Variants in YPEL4 observed in about 807,000 individuals in gnomAD.
The protein encoded by YPEL4 is protein yippee-like 4.
In YPEL4, 5 loss-of-function variants were observed where a neutral mutation model predicts 16.3. The ratio of observed to expected loss-of-function variants is 0.31; its 90% confidence interval spans 0.16 to 0.64. The LOEUF (loss-of-function observed/expected upper bound fraction) is 0.64, where lower values mean the gene tolerates loss of function less well. Ranked by LOEUF, YPEL4 falls within the 30% of genes least tolerant of loss-of-function variation. The pLI is 0.79. For missense variants in YPEL4, 127 were observed against 170.0 expected (o/e 0.75, Z 1.41); for synonymous variants, 61 against 60.7 (o/e 1.00, Z -0.02).
Position 57,646,361 on chromosome 11 carries a change from G to A in YPEL4, c.230C>T (p.Thr77Met). The A allele has an allele frequency of 3.7e-6, 6 of 1,614,122 alleles. No homozygotes were observed. Among genetic ancestry groups the A allele is most frequent in the Non-Finnish European group, 3.4e-6 (4 of 1,180,020 alleles). ...CGPAEQRLLL[T>M]GLHSVADIFC... ...AATGTCAGCTACCGAGTGGAGCCCC[G>A]TGAGCAAGAGGCGCTGTTCAGCTGG... The change falls in exon 4 of 5, where the codon ACG becomes ATG. Residue 77 changes from threonine to methionine, a missense_variant. Physicochemically the swap from Thr to Met is moderately conservative, Grantham distance 81 (BLOSUM62 -1). Coordinates refer to ENST00000300022, the MANE Select transcript of YPEL4 (RefSeq NM_145008.3).
At position 57,645,847 on chromosome 11, in the gene YPEL4, G is replaced by A; in HGVS notation, c.*134C>T. ...AAGGGTGCCTGGTAGTGGATATGGT[G>A]GAGGCAGGGGAGGGGTTGGTTGGAG... On this transcript the variant is annotated 3_prime_UTR_variant, in exon 5 of 5. Transcript: ENST00000300022. 1.3e-6 allele frequency: 1 copy of A among 790,426 alleles called. No individual in the cohort carries two copies. 49.0% of individuals were successfully genotyped at this position (790,426 alleles called of 1,614,324 possible). A position where few individuals can be genotyped will look rare whatever the true frequency, so the allele number is the denominator to read the frequency against.
At position 57,645,833 on chromosome 11, in the gene YPEL4, G is replaced by A. The variant is rs759829402; in HGVS notation, c.*148C>T. 1.4e-4 allele frequency: 101 copies of A among 719,196 alleles called. No individual in the cohort carries two copies. The highest frequency in any genetic ancestry group is 1.7e-4 in the Non-Finnish European group (73 of 436,594). 44.6% of individuals were successfully genotyped at this position (719,196 alleles called of 1,614,324 possible). ...AGACCCCTGTTCTAAAGGGTGCCTG[G>A]TAGTGGATATGGTGGAGGCAGGGGA... On this transcript the variant is annotated 3_prime_UTR_variant, in exon 5 of 5. Coordinates refer to ENST00000300022, the MANE Select transcript of YPEL4 (RefSeq NM_145008.3).
intron 3 of YPEL4, 42 bp downstream of exon 3, chr11:57,646,709 A>G (rs770142006): frequency 1.9e-6 from 3 of 1,611,288 alleles, no homozygotes; most frequent in Admixed American, 1.7e-5. Context: ...ACTCACTCAC[A>G]CACAAGCACA....
At chr11:57,648,486 C>T (rs181575174) in intron 1 of YPEL4, 1 of 152,412 alleles carries the variant, frequency 6.6e-6, no homozygotes, top group African/African-American at 2.4e-5. Context: ...CTTCCCAGCC[C>T]ACTGTGGGTG....
Position 57,646,979 on chromosome 11 carries a change from C to A in YPEL4, c.129G>T (p.Glu43Asp). The A allele has an allele frequency of 6.3e-7, 1 of 1,581,490 alleles. No homozygotes were observed. The highest frequency in any genetic ancestry group is 8.6e-7 in the Non-Finnish European group (1 of 1,162,814). ...HCRAHLAKHD[E>D]LISKSFQGSH... ...CCGCTTCGCGTACCTTGGAAATAAG[C>A]TCATCGTGTTTGGCCAGGTGTGCAC... The change falls in exon 2 of 5, where the codon GAG becomes GAT. Residue 43 changes from glutamate (E) to aspartate (D), a missense_variant. Transcript: ENST00000300022.
Position 57,647,339 on chromosome 11 carries a change from C to G in YPEL4, c.-184-48G>C, listed in dbSNP as rs1945744781. The G allele has an allele frequency of 1.0e-5, 5 of 493,434 alleles. No homozygotes were observed. The highest frequency in any genetic ancestry group is 3.8e-5 in the South Asian group (1 of 26,110). The allele number at this position is 493,434 out of a possible 1,614,324, so 30.6% of individuals were successfully genotyped here. On this transcript the variant is annotated intron_variant, in intron 1 of 4. Coordinates refer to ENST00000300022, the MANE Select transcript of YPEL4 (RefSeq NM_145008.3). The surrounding 1 kb of genome is among the most constrained non-coding windows in gnomAD (Gnocchi z 4.2). ...CAGGGGAGCTGCGACCTCAGGAGGA[C>G]CCCTCCTGAGGGAATGGAGGAAAAG...
chr11:57,648,416 G>A (rs1384832776), intron 1 of YPEL4: 1 of 152,374 alleles, frequency 6.6e-6, no homozygotes, highest in Non-Finnish European at 1.5e-5. Context: ...AGGATAAGAA[G>A]GGAGGTGGCC....
At chr11:57,648,997 C>T (rs2135350668) in intron 1 of YPEL4, 1 of 152,484 alleles carries the variant, frequency 6.6e-6, no homozygotes. Flanking sequence ...CCCTAATTCC[C>T]AGTCAAGCCA....
chr11:57,646,433 C>T (rs753749167), intron 3 of YPEL4, 28 bp from the exon 4 acceptor site: 1 of 1,613,332 alleles, frequency 6.2e-7, no homozygotes, highest in East Asian at 2.2e-5. Context: ...AAGGACCCAG[C>T]ACCCAGTGGG....
At position 57,646,545 on chromosome 11, in the gene YPEL4, C is replaced by A. The variant is rs1465936725; in HGVS notation, c.186-140G>T. ...ATAATCCACCCCTTTAAGACTAGAG[C>A]CTGGGCCTTCTTTTTCCACCGTTAT... On this transcript the variant is annotated intron_variant, in intron 3 of 4. Coordinates refer to ENST00000300022, the MANE Select transcript of YPEL4 (RefSeq NM_145008.3). 5.8e-6 allele frequency: 7 copies of A among 1,200,312 alleles called. No homozygotes were observed. In the South Asian group the frequency reaches 9.7e-5, roughly 17 times the overall value. 74.4% of individuals were successfully genotyped at this position (1,200,312 alleles called of 1,614,324 possible).
rs777383865 is a variant in YPEL4 at position 57,646,297 on chromosome 11, A to G, written c.294T>C (p.Tyr98=). The change falls in exon 4 of 5, where the codon TAT becomes TAC. Residue 98 remains tyrosine, a splice_region_variant and synonymous_variant. Coordinates refer to ENST00000300022, the MANE Select transcript of YPEL4 (RefSeq NM_145008.3). The part of the protein sequence containing the change: ...ESCKTTLGWK[Y]EQAFETSQKY... ...GTGACCCTCTTCCTCAGGTACTTAC[A>G]TATTTCCAGCCCAGTGTGGTTTTGC... 19 of 1,614,004 alleles carry G rather than the reference A, an allele frequency of 1.2e-5. No homozygotes were observed. Among genetic ancestry groups the G allele is most frequent in the East Asian group, 4.5e-5 (2 of 44,892 alleles).
rs1421982884 is a variant in YPEL4 at position 57,645,620 on chromosome 11, T to G, written c.*361A>C. On this transcript the variant is annotated 3_prime_UTR_variant, in exon 5 of 5. Coordinates refer to ENST00000300022, the MANE Select transcript of YPEL4 (RefSeq NM_145008.3). ...CTGTGACCCAAGGTTTGTCCTCTGT[T>G]CACTCAAAAAGAGGTGGAGCAAAAA... 4.1e-6 allele frequency: 1 copy of G among 245,442 alleles called. No individual in the cohort carries two copies. The highest frequency in any genetic ancestry group is 5.0e-5 in the Admixed American group (1 of 19,920). 15.2% of individuals were successfully genotyped at this position (245,442 alleles called of 1,614,324 possible).
chr11:57,645,896 C>T lies in YPEL4; in HGVS notation c.*85G>A, dbSNP rs941524192. 1.9e-5 allele frequency: 27 copies of T among 1,386,892 alleles called. No homozygotes were observed. The highest frequency in any genetic ancestry group is 2.5e-5 in the Non-Finnish European group (25 of 995,792). 85.9% of individuals were successfully genotyped at this position (1,386,892 alleles called of 1,614,324 possible). Reference sequence around the variant, plus strand: ...AGCCAGGTTTCCCCCAGGGGTGGGGCAGTACTCATGCTGGTATAGACTGCT... The same window carrying T: ...AGCCAGGTTTCCCCCAGGGGTGGGGTAGTACTCATGCTGGTATAGACTGCT... On this transcript the variant is annotated 3_prime_UTR_variant, in exon 5 of 5. Coordinates refer to ENST00000300022, the MANE Select transcript of YPEL4 (RefSeq NM_145008.3).
chr11:57,647,249 C>T lies in YPEL4; in HGVS notation c.-142G>A. ...GGAGAAGTGTTGGGGGGCTGCCCGGCCAGGGCCCCCCCAGACGAGAACCAG... is the reference window on the plus strand; with the variant it reads ...GGAGAAGTGTTGGGGGGCTGCCCGGTCAGGGCCCCCCCAGACGAGAACCAG... On this transcript the variant is annotated 5_prime_UTR_variant, in exon 2 of 5. Coordinates refer to ENST00000300022, the MANE Select transcript of YPEL4 (RefSeq NM_145008.3). This position sits in a 1 kb window ranked among gnomAD's most constrained non-coding sequence, Gnocchi z 4.2. 8.8e-7 allele frequency: 1 copy of T among 1,142,290 alleles called. No individual in the cohort carries two copies. The allele number at this position is 1,142,290 out of a possible 1,614,324, so 70.8% of individuals were successfully genotyped here.
rs1340544212 is a variant in YPEL4 at position 57,647,318 on chromosome 11, GGAGCT to G, written c.-184-32_-184-28del. 1 of 586,418 alleles carries G rather than the reference GGAGCT, an allele frequency of 1.7e-6. No individual in the cohort carries two copies. The highest frequency in any genetic ancestry group is 2.8e-6 in the Non-Finnish European group (1 of 363,114). The allele number at this position is 586,418 out of a possible 1,614,324, so 36.3% of individuals were successfully genotyped here. ...TGGGAAGAGGGGAAAGGACATCAGGGGAGCTGCGACCTCAGGAGGACCCCTCCTGA... is the reference window on the plus strand; with the variant it reads ...TGGGAAGAGGGGAAAGGACATCAGGGGCGACCTCAGGAGGACCCCTCCTGA... On this transcript the variant is annotated intron_variant, in intron 1 of 4. Transcript: ENST00000300022. The surrounding 1 kb of genome is among the most constrained non-coding windows in gnomAD (Gnocchi z 4.2).
rs996910444 is a variant in YPEL4 at position 57,645,862 on chromosome 11, G to A, written c.*119C>T. On this transcript the variant is annotated 3_prime_UTR_variant, in exon 5 of 5. Transcript: ENST00000300022. ...TGGATATGGTGGAGGCAGGGGAGGGGTTGGTTGGAGCCAGGTTTCCCCCAG... is the reference window on the plus strand; with the variant it reads ...TGGATATGGTGGAGGCAGGGGAGGGATTGGTTGGAGCCAGGTTTCCCCCAG... The A allele has an allele frequency of 5.3e-6, 5 of 941,604 alleles. No homozygotes were observed. Among genetic ancestry groups the A allele is most frequent in the Non-Finnish European group, 8.0e-6 (5 of 622,410 alleles). 58.3% of individuals were successfully genotyped at this position (941,604 alleles called of 1,614,324 possible).
At position 57,645,906 on chromosome 11, in the gene YPEL4, G is replaced by T. The variant is rs1474623161; in HGVS notation, c.*75C>A. On this transcript the variant is annotated 3_prime_UTR_variant, in exon 5 of 5. Coordinates refer to ENST00000300022, the MANE Select transcript of YPEL4 (RefSeq NM_145008.3). ...CCCCCAGGGGTGGGGCAGTACTCAT[G>T]CTGGTATAGACTGCTTGGCAGGGCC... 2.7e-6 allele frequency: 4 copies of T among 1,487,996 alleles called. No homozygotes were observed. The highest frequency in any genetic ancestry group is 1.7e-5 in the Admixed American group (1 of 57,926). The allele number at this position is 1,487,996 out of a possible 1,614,324, so 92.2% of individuals were successfully genotyped here.
Position 57,647,134 on chromosome 11 carries a change from G to A in YPEL4, c.-27C>T, listed in dbSNP as rs1192714752. On this transcript the variant is annotated 5_prime_UTR_variant, in exon 2 of 5. Transcript: ENST00000300022. This position sits in a 1 kb window ranked among gnomAD's most constrained non-coding sequence, Gnocchi z 4.2. ...ACGGGCTGGAGGACAATGCCCTGGT[G>A]GGCTGGAGGGGCTGGCGCCGTGCAG... 1 of 1,532,866 alleles carries A rather than the reference G, an allele frequency of 6.5e-7. No homozygotes were observed. The highest frequency in any genetic ancestry group is 2.4e-5 in the Admixed American group (1 of 41,406). 95.0% of individuals were successfully genotyped at this position (1,532,866 alleles called of 1,614,324 possible).
Position 57,645,656 on chromosome 11 carries a change from C to A in YPEL4, c.*325G>T. Reference sequence around the variant, plus strand: ...GAGGTGGAGCAAAAACGGATTCCTCCCACAATCCTCTCTGCCTGAGTCTAT... The same window carrying A: ...GAGGTGGAGCAAAAACGGATTCCTCACACAATCCTCTCTGCCTGAGTCTAT... On this transcript the variant is annotated 3_prime_UTR_variant, in exon 5 of 5. Coordinates refer to ENST00000300022, the MANE Select transcript of YPEL4 (RefSeq NM_145008.3). 1 of 313,572 alleles carries A rather than the reference C, an allele frequency of 3.2e-6. No individual in the cohort carries two copies. Among genetic ancestry groups the A allele is most frequent in the Non-Finnish European group, 5.9e-6 (1 of 168,484 alleles). The allele number at this position is 313,572 out of a possible 1,614,324, so 19.4% of individuals were successfully genotyped here. A position where few individuals can be genotyped will look rare whatever the true frequency, so the allele number is the denominator to read the frequency against.
Sources: allele counts gnomAD v4.1 joint callset, GRCh38; gene constraint gnomAD v4.1.1; non-coding constraint Gnocchi (gnomAD v3.1); transcripts MANE v1.5; gene names NCBI Gene and HGNC (gene_info 2026-07-23, HGNC 2026-07-21).